WWP2: variants seen among roughly 807,000 people sequenced by gnomAD.
WWP2 encodes the protein NEDD4-like E3 ubiquitin-protein ligase WWP2.
In WWP2, 57 loss-of-function variants were observed where a neutral mutation model predicts 121.0. That is an observed-to-expected ratio of 0.47 (90% CI 0.38 to 0.59). The LOEUF is 0.59. Among genes scored for constraint, WWP2 ranks in the 20% least tolerant of loss-of-function variants. The probability of loss-of-function intolerance (pLI) is 0.00; values close to 1 mark genes in which losing one functional copy is unlikely to be tolerated. For synonymous variants in WWP2, 449 were observed against 441.3 expected, an observed-to-expected ratio of 1.02 and a Z score of -0.22; for missense variants, 962 against 1,158.9, an observed-to-expected ratio of 0.83 and a Z score of 2.47.
chr16:69,908,718 T>G (rs1436353166), intron 8 of WWP2, 43 bp from the exon 9 acceptor site: 1 of 1,613,210 alleles, frequency 6.2e-7, no homozygotes, highest in Non-Finnish European at 8.5e-7. Context: ...GGCCTATGCC[T>G]TTCCACTGTG....
intron 7 of WWP2, among the ~76,000 whole-genome samples, chr16:69,880,235 C>T (rs1488205784): frequency 6.6e-6 from 1 of 151,570 alleles, no homozygotes; most frequent in African/African-American, 2.4e-5. Context: ...CCTATTGTCA[C>T]AAAGACATTA....
Position 69,931,138 on chromosome 16 carries a change from T to C in WWP2, c.1446-14T>C. 1 of 1,613,522 alleles carries C rather than the reference T, an allele frequency of 6.2e-7. No homozygotes were observed. On this transcript the variant is annotated splice_polypyrimidine_tract_variant and intron_variant, in intron 13 of 23. Coordinates refer to ENST00000359154, the MANE Select transcript of WWP2 (RefSeq NM_001270454.2). ...GAAATCGCATGAACCCCTGAACATC[T>C]TTGCTCTTCCTAGGACGAAGCAAGG... is the stretch of plus-strand genomic sequence containing the variant.
intron 4 of WWP2, among the ~76,000 whole-genome samples, chr16:69,811,578 T>C (rs2056393546): frequency 6.6e-6 from 1 of 151,292 alleles, no homozygotes; most frequent in Non-Finnish European, 1.5e-5. Flanking sequence ...TGAGACACAG[T>C]CTCTACAAAA....
rs145470126 is a variant in WWP2, at chr16:69,939,098, C to G, written c.2415C>G (p.Pro805=). 3 of 1,604,406 alleles carry G rather than the reference C, an allele frequency of 1.9e-6. No individual in the cohort carries two copies. Among genetic ancestry groups the G allele is most frequent in the Admixed American group, 1.7e-5 (1 of 58,908 alleles). ...TTGTCACCGGTACCTGCCGCCTGCC[C>G]GTCGGGGGATTTGCCGAACTCATCG... ...LQFVTGTCRL[P]VGGFAELIGS... The change falls in exon 22 of 24, where the codon CCC becomes CCG. Residue 805 remains proline, a synonymous_variant. Transcript: ENST00000359154.
In WWP2 at chr16:69,935,823, A is replaced by G; in HGVS notation, c.1843-30A>G. The stretch of plus-strand genomic sequence containing the variant: ...TCTTGGCAGTGCCCAGGGAAGGCCA[A>G]ACCTCTGTGCTGTGCCTCTTCCTTC... On this transcript the variant is annotated intron_variant, in intron 17 of 23. Coordinates refer to ENST00000359154, the MANE Select transcript of WWP2 (RefSeq NM_001270454.2). The surrounding 1 kb of genome is among the most constrained non-coding windows in gnomAD (Gnocchi z 5.2). The G allele has an allele frequency of 6.3e-7, 1 of 1,595,882 alleles. No homozygotes were observed. The highest frequency in any genetic ancestry group is 8.5e-7 in the Non-Finnish European group (1 of 1,172,112).
intron 8 of WWP2, among the ~76,000 whole-genome samples, chr16:69,898,876 C>G (rs1442603895): frequency 6.6e-6 from 1 of 151,962 alleles, no homozygotes; most frequent in African/African-American, 2.4e-5. Context: ...GATACTTTTT[C>G]TGTATTTAGT....
At chr16:69,787,185 T>G (rs1442635282) in intron 2 of WWP2, 105 bp downstream of exon 2, 2 of 771,118 alleles carry the variant, frequency 2.6e-6, no homozygotes, top group Non-Finnish European at 4.1e-6. Flanking sequence ...ATAGTTTACA[T>G]GTGTTAATTA....
chr16:69,936,953 G>C, intron 19 of WWP2, 165 bp from the exon 20 acceptor site: 1 of 928,862 alleles, frequency 1.1e-6, no homozygotes, highest in Non-Finnish European at 1.6e-6. Flanking sequence ...TCACTGTGAG[G>C]TTTTCAGGGC....
At chr16:69,793,155 A>T (rs1450557210) in intron 2 of WWP2, among the ~76,000 whole-genome samples, 1 of 152,174 alleles carries the variant, frequency 6.6e-6, no homozygotes, top group African/African-American at 2.4e-5. Flanking sequence ...GTTCAAGACC[A>T]GCCTCGCCAA....
chr16:69,800,819 C>G (rs548104687), intron 4 of WWP2, among the ~76,000 whole-genome samples: 88 of 151,698 alleles, frequency 5.8e-4, no homozygotes, highest in Admixed American at 2.9e-3. Context: ...CCCGCCTCAT[C>G]CTCCCAAAGT....
intron 4 of WWP2, among the ~76,000 whole-genome samples, chr16:69,826,483 A>G (rs895801758): frequency 3.3e-5 from 5 of 151,208 alleles, no homozygotes; most frequent in Non-Finnish European, 7.4e-5. Context: ...GAGACAGGAG[A>G]ATTGGCTGAA....
chr16:69,923,953 A>AT (rs1239826667), intron 10 of WWP2, among the ~76,000 whole-genome samples: 2 of 150,052 alleles, frequency 1.3e-5, no homozygotes, highest in Non-Finnish European at 3.0e-5. Context: ...AATTCGGGAG[A>AT]TTTTTTTCAG....
chr16:69,890,404 A>G (rs1194828249), intron 8 of WWP2, among the ~76,000 whole-genome samples: 1 of 152,064 alleles, frequency 6.6e-6, no homozygotes, highest in Non-Finnish European at 1.5e-5. Flanking sequence ...ATTTTAGTGA[A>G]GGTTAAAGTG....
At position 69,838,931 on chromosome 16, in the gene WWP2, T is replaced by C. The variant is rs182674678; in HGVS notation, c.341-1195T>C. The stretch of plus-strand genomic sequence containing the variant: ...TTATTATAATAGATCTTTGACTTGA[T>C]CCAGAATTTTCTGCTAAGTTCTTAA... On this transcript the variant is annotated intron_variant, in intron 4 of 23. Transcript: ENST00000359154. 1.6e-3 allele frequency: 1,606 copies of C among 976,420 alleles called. 2 individuals carry two copies. The highest frequency in any genetic ancestry group is 1.8e-3 in the Non-Finnish European group (1,509 of 826,546). 60.5% of individuals were successfully genotyped at this position (976,420 alleles called of 1,614,324 possible).
chr16:69,904,673 A>G (rs568187447), intron 8 of WWP2, among the ~76,000 whole-genome samples: 1 of 152,098 alleles, frequency 6.6e-6, no homozygotes, highest in Non-Finnish European at 1.5e-5. Flanking sequence ...ACCTGGCCCT[A>G]GTGTGCATTT....
At chr16:69,776,906 G>A (rs2151776515) in intron 1 of WWP2, among the ~76,000 whole-genome samples, 1 of 151,982 alleles carries the variant, frequency 6.6e-6, no homozygotes, top group South Asian at 2.1e-4. Context: ...TGTAGTATTT[G>A]CTTATTAGGT....
intron 1 of WWP2, among the ~76,000 whole-genome samples, chr16:69,779,589 T>C (rs2055620147): frequency 6.6e-6 from 1 of 152,180 alleles, no homozygotes; most frequent in Non-Finnish European, 1.5e-5. Flanking sequence ...GAACAGGCCA[T>C]GTATGGGCTT....
At chr16:69,886,619 G>A (rs2151936464) in intron 7 of WWP2, among the ~76,000 whole-genome samples, 1 of 152,312 alleles carries the variant, frequency 6.6e-6, no homozygotes, top group African/African-American at 2.4e-5. Flanking sequence ...AATTAGCTGG[G>A]TGTGGTGGCG....
At chr16:69,826,727 A>C (rs894383982) in intron 4 of WWP2, among the ~76,000 whole-genome samples, 2 of 56,776 alleles carry the variant, frequency 3.5e-5, no homozygotes, top group African/African-American at 1.3e-4. Flanking sequence ...AAAATACAAA[A>C]AAAAAAAAAA....
Sources: allele counts gnomAD v4.1 joint callset (sites outside exome capture counted in the v4.1 genomes callset), GRCh38; gene constraint gnomAD v4.1.1; non-coding constraint Gnocchi (gnomAD v3.1); transcripts MANE v1.5; gene names NCBI Gene and HGNC (gene_info 2026-07-23, HGNC 2026-07-21).